CNTN5: variants seen among roughly 807,000 people sequenced by gnomAD.
The protein encoded by CNTN5 is contactin-5.
A neutral mutation model predicts 129.1 loss-of-function variants in CNTN5; 77 were observed. The ratio of observed to expected loss-of-function variants is 0.60; its 90% confidence interval spans 0.50 to 0.72. The LOEUF (loss-of-function observed/expected upper bound fraction) is 0.72, where lower values mean the gene tolerates loss of function less well. Ranked by LOEUF, CNTN5 falls within the 30% of genes least tolerant of loss-of-function variation. The probability of loss-of-function intolerance (pLI) is 0.00; values close to 1 mark genes in which losing one functional copy is unlikely to be tolerated. For missense variants in CNTN5, 1,478 were observed against 1,328.8 expected (o/e 1.11, Z -1.75); for synonymous variants, 509 against 465.6 (o/e 1.09, Z -1.20).
intron 3 of CNTN5, among the ~76,000 whole-genome samples, chr11:99,791,732 T>G (rs1373295716): frequency 1.3e-5 from 2 of 152,192 alleles, no homozygotes; most frequent in African/African-American, 2.4e-5. Context: ...ACAATCTTGA[T>G]TATTCCTATA....
intron 3 of CNTN5, among the ~76,000 whole-genome samples, chr11:99,722,070 A>G (rs1040084800): frequency 6.6e-6 from 1 of 152,114 alleles, no homozygotes; most frequent in Non-Finnish European, 1.5e-5. Flanking sequence ...GGAAAGCAGT[A>G]TAGCAATTCC....
intron 9 of CNTN5, among the ~76,000 whole-genome samples, chr11:100,018,622 A>G (rs1745477656): frequency 6.6e-6 from 1 of 152,104 alleles, no homozygotes; most frequent in Middle Eastern, 3.4e-3. Flanking sequence ...TAAATCTTCC[A>G]TGAACATTTG....
At chr11:99,525,436 A>C (rs547924899) in intron 2 of CNTN5, among the ~76,000 whole-genome samples, 1 of 152,246 alleles carries the variant, frequency 6.6e-6, no homozygotes, top group Non-Finnish European at 1.5e-5. Flanking sequence ...AGATGAATAG[A>C]TTATGAAATA....
At chr11:99,923,574 C>T (rs1483849323) in intron 7 of CNTN5, among the ~76,000 whole-genome samples, 2 of 152,088 alleles carry the variant, frequency 1.3e-5, no homozygotes, top group Admixed American at 6.6e-5. Flanking sequence ...GGTTTATTTA[C>T]TTTGGGGTAT....
At chr11:100,183,444 T>C (rs1948199548) in intron 13 of CNTN5, among the ~76,000 whole-genome samples, 1 of 152,126 alleles carries the variant, frequency 6.6e-6, no homozygotes, top group Admixed American at 6.6e-5. Context: ...TTACTGATAA[T>C]TGGAGCCCCA....
At chr11:99,034,108 A>T (rs1863563500) in intron 1 of CNTN5, among the ~76,000 whole-genome samples, 1 of 152,198 alleles carries the variant, frequency 6.6e-6, no homozygotes, top group Admixed American at 6.6e-5. Flanking sequence ...CTTGCATCCC[A>T]AGGATGAAGC....
At chr11:99,600,252 T>C (rs984471267) in intron 3 of CNTN5, among the ~76,000 whole-genome samples, 40 of 152,176 alleles carry the variant, frequency 2.6e-4, no homozygotes, top group African/African-American at 9.4e-4. Flanking sequence ...AAAACTGACA[T>C]GTAAATATAT....
At chr11:99,313,068 G>A (rs1216375033) in intron 1 of CNTN5, among the ~76,000 whole-genome samples, 1 of 151,392 alleles carries the variant, frequency 6.6e-6, no homozygotes, top group African/African-American at 2.4e-5. Context: ...AGACAGATTA[G>A]CCTTCCTCTC....
At chr11:99,499,912 C>A (rs140940386) in intron 2 of CNTN5, among the ~76,000 whole-genome samples, 1 of 152,008 alleles carries the variant, frequency 6.6e-6, no homozygotes, top group East Asian at 1.9e-4. Flanking sequence ...GTTAGACTTA[C>A]GTAAAAAATA....
At chr11:100,285,718 A>G (rs1166256974) in intron 18 of CNTN5, among the ~76,000 whole-genome samples, 1 of 152,190 alleles carries the variant, frequency 6.6e-6, no homozygotes, top group Admixed American at 6.5e-5. Flanking sequence ...AATTATACAC[A>G]TATTTCTGGC....
intron 21 of CNTN5, among the ~76,000 whole-genome samples, chr11:100,335,639 G>A (rs1178645564): frequency 2.0e-5 from 3 of 152,012 alleles, no homozygotes; most frequent in Admixed American, 6.6e-5. Context: ...GTGGTGGTAG[G>A]CACCTGTAAT....
chr11:99,729,960 T>C (rs116098355), intron 3 of CNTN5, among the ~76,000 whole-genome samples: 2,080 of 152,194 alleles, frequency 0.014, 49 homozygotes, highest in African/African-American at 0.046. Flanking sequence ...CTGGGCTTAA[T>C]ACCTAGGTGA....
At chr11:99,471,253 G>C (rs1358351355) in intron 2 of CNTN5, among the ~76,000 whole-genome samples, 1 of 151,842 alleles carries the variant, frequency 6.6e-6, no homozygotes, top group Non-Finnish European at 1.5e-5. Flanking sequence ...GTAGCCATCT[G>C]CTTCCAGAAT....
At chr11:99,991,689 T>G (rs144981365) in intron 8 of CNTN5, among the ~76,000 whole-genome samples, 1 of 152,312 alleles carries the variant, frequency 6.6e-6, no homozygotes, top group East Asian at 1.9e-4. Flanking sequence ...TGCCTTTCAA[T>G]AGCAAACTAC....
intron 1 of CNTN5, among the ~76,000 whole-genome samples, chr11:99,135,904 C>T (rs1315983779): frequency 6.6e-6 from 1 of 152,102 alleles, no homozygotes; most frequent in Admixed American, 6.6e-5. Context: ...TTCTGTTTAG[C>T]ACCATTATAC....
intron 2 of CNTN5, among the ~76,000 whole-genome samples, chr11:99,342,584 A>AAAAAG (rs1866565872): frequency 7.0e-6 from 1 of 143,564 alleles, no homozygotes; most frequent in Non-Finnish European, 1.5e-5. Flanking sequence ...AAAAAAAAAA[A>AAAAAG]AAAAAAAAAA....
chr11:100,115,716 T>C (rs1024694995), intron 13 of CNTN5, among the ~76,000 whole-genome samples: 2 of 152,092 alleles, frequency 1.3e-5, no homozygotes, highest in Non-Finnish European at 2.9e-5. Context: ...AATTTTTAAA[T>C]CATAAAATGT....
At chr11:99,425,894 C>G (rs927872121) in intron 2 of CNTN5, among the ~76,000 whole-genome samples, 3 of 152,166 alleles carry the variant, frequency 2.0e-5, no homozygotes, top group Non-Finnish European at 4.4e-5. Flanking sequence ...CAGCGCTGCT[C>G]CAGAAAGGTC....
intron 13 of CNTN5, among the ~76,000 whole-genome samples, chr11:100,133,441 G>A (rs555786733): frequency 3.9e-5 from 6 of 152,166 alleles, no homozygotes; most frequent in South Asian, 2.1e-4. Flanking sequence ...GATTCTGCAC[G>A]CATAACACCA....
Sources: allele counts gnomAD v4.1 joint callset (sites outside exome capture counted in the v4.1 genomes callset), GRCh38; gene constraint gnomAD v4.1.1; transcripts MANE v1.5; gene names NCBI Gene and HGNC (gene_info 2026-07-23, HGNC 2026-07-21).